Variants in KLRD1 observed in about 807,000 individuals in gnomAD.
The protein encoded by KLRD1 is natural killer cells antigen CD94.
Under a neutral mutation model 22.6 loss-of-function variants are expected in KLRD1, and 21 were observed. The ratio of observed to expected loss-of-function variants is 0.93; its 90% CI spans 0.66 to 1.34. The LOEUF is 1.34. KLRD1 is among the 40% of genes most tolerant of loss of function. The pLI is 0.00. For missense variants in KLRD1, 183 were observed against 208.6 expected (o/e 0.88, Z 0.76); for synonymous variants, 59 against 71.1 (o/e 0.83, Z 0.85).
chr12:10,312,369 T>TTTTGTTTGTTTG (rs369950859), intron 4 of KLRD1, among the ~76,000 whole-genome samples: 2 of 144,076 alleles, frequency 1.4e-5, no homozygotes, highest in African/African-American at 5.2e-5. Context: ...CCCAATTCTT[T>TTTTGTTTGTTTG]TTTGTTTGTT....
chr12:10,278,757 C>A (rs138404431), intron 1 of KLRD1, among the ~76,000 whole-genome samples: 2 of 152,226 alleles, frequency 1.3e-5, no homozygotes, highest in African/African-American at 2.4e-5. Context: ...AATGTTACTT[C>A]TTTTAACATG....
intron 5 of KLRD1, 119 bp from the exon 6 acceptor site, chr12:10,314,554 G>A: frequency 1.3e-6 from 1 of 794,646 alleles, no homozygotes; most frequent in Non-Finnish European, 1.8e-6. Flanking sequence ...AAAAAAAAAG[G>A]ACTCAATATG....
intron 3 of KLRD1, 116 bp from the exon 4 acceptor site, chr12:10,311,345 ATAC>A: frequency 1.1e-6 from 1 of 882,766 alleles, no homozygotes; most frequent in Admixed American, 2.4e-5. Context: ...AGTGTGGTGT[ATAC>A]AGTAGATTCT....
intron 4 of KLRD1, among the ~76,000 whole-genome samples, chr12:10,313,129 C>G (rs754376961): frequency 2.0e-5 from 3 of 152,098 alleles, no homozygotes; most frequent in Non-Finnish European, 4.4e-5. Flanking sequence ...TTTGATCCCC[C>G]GTGAAGAAAG....
At chr12:10,276,646 A>T (rs1404717867) in intron 1 of KLRD1, among the ~76,000 whole-genome samples, 1 of 151,546 alleles carries the variant, frequency 6.6e-6, no homozygotes, top group Non-Finnish European at 1.5e-5. Context: ...CTCCTGCCTC[A>T]GCCTCCCGAG....
chr12:10,260,820 T>C (rs1949446245), intron 1 of KLRD1, among the ~76,000 whole-genome samples: 1 of 152,076 alleles, frequency 6.6e-6, no homozygotes, highest in Admixed American at 6.5e-5. Flanking sequence ...TGGGCACCTG[T>C]AGTCCCAGCT....
At position 10,311,562 on chromosome 12, in the gene KLRD1, C is replaced by G. The variant is rs1388920565; in HGVS notation, c.262C>G (p.Leu88Val). ...EQKTWNESRH[L>V]CASQKSSLLQ... Reference sequence around the variant, plus strand: ...GAAAACTTGGAACGAAAGTCGGCATCTCTGTGCTTCTCAGAAATCCAGCCT... The same window carrying G: ...GAAAACTTGGAACGAAAGTCGGCATGTCTGTGCTTCTCAGAAATCCAGCCT... The change falls in exon 4 of 6, where the codon CTC becomes GTC. Residue 88 changes from leucine (L) to valine (V), a missense_variant. Transcript: ENST00000336164. The G allele has an allele frequency of 3.1e-6, 5 of 1,614,012 alleles. No individual in the cohort carries two copies. Among genetic ancestry groups the G allele is most frequent in the Non-Finnish European group, 3.4e-6 (4 of 1,179,988 alleles).
intron 4 of KLRD1, among the ~76,000 whole-genome samples, chr12:10,312,453 A>G (rs1466460930): frequency 4.0e-5 from 6 of 151,084 alleles, no homozygotes; most frequent in Non-Finnish European, 5.9e-5. Context: ...ATCTTGGCTC[A>G]CTGCAAGCTC....
rs1221431551 is a variant in KLRD1 at position 10,324,828 on chromosome 12, A to G, written c.*10035A>G. 4.0e-4 allele frequency: 56 copies of G among 138,784 alleles called. 1 individual carries two copies. The highest frequency in any genetic ancestry group is 1.7e-3 in the East Asian group (8 of 4,684). 8.6% of individuals were successfully genotyped at this position (138,784 alleles called of 1,614,324 possible). ...TATATGTGTGTGTGTGTATATATAT[A>G]TATATATATATATATTCATTTACAC... On this transcript the variant is annotated 3_prime_UTR_variant, in exon 6 of 6. Coordinates refer to ENST00000336164, the MANE Select transcript of KLRD1 (RefSeq NM_002262.5).
chr12:10,257,139 C>CTTTTTTT (rs55950006), intron 1 of KLRD1, among the ~76,000 whole-genome samples: 68 of 130,184 alleles, frequency 5.2e-4, no homozygotes, highest in African/African-American at 1.0e-3. Flanking sequence ...CTTTTCTTTT[C>CTTTTTTT]TTTTTTTTTT....
Position 10,326,703 on chromosome 12 carries a change from G to A in KLRD1, c.*11910G>A, listed in dbSNP as rs2137756849. On this transcript the variant is annotated 3_prime_UTR_variant, in exon 6 of 6. Coordinates refer to ENST00000336164, the MANE Select transcript of KLRD1 (RefSeq NM_002262.5). ...CCCAGGTCACAGGTAAGGGACAAAT[G>A]GTTGCATCTTTTTGTTTCTGATTAG... is the stretch of plus-strand genomic sequence containing the variant. The A allele has an allele frequency of 6.6e-6, 1 of 152,294 alleles. No homozygotes were observed. The highest frequency in any genetic ancestry group is 1.5e-5 in the Non-Finnish European group (1 of 68,036). 9.4% of individuals were successfully genotyped at this position (152,294 alleles called of 1,614,324 possible). A position where few individuals can be genotyped will look rare whatever the true frequency, so the allele number is the denominator to read the frequency against.
At chr12:10,243,694 G>C (rs1006239336) in intron 1 of KLRD1, among the ~76,000 whole-genome samples, 1 of 149,492 alleles carries the variant, frequency 6.7e-6, no homozygotes, top group South Asian at 2.1e-4. Context: ...CCTTATCAGT[G>C]CTTAAAACTG....
Position 10,280,028 on chromosome 12 carries a change from A to G in KLRD1, c.-100-27950A>G, listed in dbSNP as rs1166969050. Among the ~76,000 whole-genome samples the G allele has an allele frequency of 2.0e-5, 3 of 152,276 alleles. No homozygotes were observed. In the East Asian group the frequency reaches 5.8e-4, roughly 29 times the overall value. On this transcript the variant is annotated intron_variant, in intron 1 of 5. Transcript: ENST00000544747. ...ATATCTCTTGCAGTAGAATTTTATT[A>G]TTTTTCATCAGAAATGTCTTTCTCC... is the stretch of plus-strand genomic sequence containing the variant.
chr12:10,272,096 G>A (rs1185909566), intron 1 of KLRD1, among the ~76,000 whole-genome samples: 1 of 152,046 alleles, frequency 6.6e-6, no homozygotes, highest in Non-Finnish European at 1.5e-5. Flanking sequence ...GGAAATAGAA[G>A]CAAGAGTAGA....
At chr12:10,250,537 A>C (rs574498448) in intron 1 of KLRD1, among the ~76,000 whole-genome samples, 98 of 152,002 alleles carry the variant, frequency 6.4e-4, no homozygotes, top group African/African-American at 2.2e-3. Flanking sequence ...CGCTCACTGC[A>C]ACCTCTGCCT....
At chr12:10,270,974 AG>A (rs1949543885) in intron 1 of KLRD1, among the ~76,000 whole-genome samples, 1 of 151,808 alleles carries the variant, frequency 6.6e-6, no homozygotes, top group Non-Finnish European at 1.5e-5. Context: ...AGTAGAGACG[AG>A]GTTTCACCAT....
At chr12:10,308,525 A>G (rs1949976120) in intron 1 of KLRD1, 1 of 176,508 alleles carries the variant, frequency 5.7e-6, no homozygotes, top group Non-Finnish European at 1.2e-5. Flanking sequence ...ACTCTTTGAG[A>G]GTGTGTTCAC....
chr12:10,240,262 T>C (rs1949228369), intron 1 of KLRD1, among the ~76,000 whole-genome samples: 1 of 152,080 alleles, frequency 6.6e-6, no homozygotes, highest in South Asian at 2.1e-4. Flanking sequence ...GGTTTTGCCA[T>C]GTTGCCCAGG....
chr12:10,301,124 A>C (rs963364738), upstream of KLRD1, among the ~76,000 whole-genome samples: 1 of 152,104 alleles, frequency 6.6e-6, no homozygotes, highest in Non-Finnish European at 1.5e-5. Context: ...AAGGGGGAAA[A>C]ATCCAACTAG....
Sources: gnomAD v4.1 joint callset for allele counts (sites outside exome capture counted in the v4.1 genomes callset) on GRCh38, gnomAD v4.1.1 for gene constraint, MANE v1.5 for transcripts, NCBI Gene and HGNC (gene_info 2026-07-23, HGNC 2026-07-21) for gene names.